Variants in CASK observed in about 807,000 individuals in gnomAD.
CASK encodes calcium/calmodulin dependent serine protein kinase.
CASK carries 4 observed loss-of-function variants against 82.9 expected under a neutral mutation model. That is an observed-to-expected ratio of 0.05 (90% CI 0.02 to 0.11). CASK has a LOEUF of 0.11. Among genes scored for constraint, CASK ranks in the 10% least tolerant of loss-of-function variants. The pLI is 1.00. For missense variants in CASK, 358 were observed against 720.9 expected (o/e 0.50, Z 5.76); for synonymous variants, 259 against 253.5 (o/e 1.02, Z -0.20).
At chrX:41,805,176 T>G (rs1286770360) in intron 2 of CASK, among the ~76,000 whole-genome samples, 1 of 112,267 alleles carries the variant, frequency 8.9e-6, no homozygotes, top group African/African-American at 3.2e-5. Flanking sequence ...TATCCTTTGT[T>G]TTAAAAAATA....
intron 5 of CASK, among the ~76,000 whole-genome samples, chrX:41,674,526 C>T (rs1340483506): frequency 6.3e-5 from 7 of 111,182 alleles, no homozygotes; most frequent in Non-Finnish European, 1.3e-4. Context: ...TGCCATACGC[C>T]AAAATTTTAA....
intron 5 of CASK, chrX:41,727,519 G>A (rs754545291): frequency 8.3e-7 from 1 of 1,210,233 alleles, no homozygotes; most frequent in Non-Finnish European, 1.1e-6. Flanking sequence ...AGTTGTACTG[G>A]GCATAATCAT....
chrX:41,653,318 T>C (rs1264710222), intron 8 of CASK, among the ~76,000 whole-genome samples: 1 of 111,930 alleles, frequency 8.9e-6, no homozygotes, highest in Non-Finnish European at 1.9e-5. Flanking sequence ...CTTCCATGGT[T>C]TGGAGCTGCA....
chrX:41,613,909 T>G (rs1442112571), intron 11 of CASK, among the ~76,000 whole-genome samples: 1 of 112,250 alleles, frequency 8.9e-6, no homozygotes, highest in African/African-American at 3.2e-5. Flanking sequence ...TTAATTATGT[T>G]AAAGATTTGG....
intron 1 of CASK, among the ~76,000 whole-genome samples, chrX:41,868,189 ATATGCAATTAC>A (rs1419539849): frequency 8.9e-6 from 1 of 111,797 alleles, no homozygotes; most frequent in East Asian, 2.8e-4. Flanking sequence ...AAATCAAGAC[ATATGCAATTAC>A]TATGCCCTGT....
At chrX:41,912,675 G>A (rs1601969353) in intron 1 of CASK, among the ~76,000 whole-genome samples, 2 of 106,715 alleles carry the variant, frequency 1.9e-5, no homozygotes, top group South Asian at 8.4e-4. Context: ...AGTGGTTCAT[G>A]CCTGTAATCG....
At chrX:41,881,650 C>T (rs2071955500) in intron 1 of CASK, among the ~76,000 whole-genome samples, 1 of 111,544 alleles carries the variant, frequency 9.0e-6, no homozygotes, top group Admixed American at 9.6e-5. Flanking sequence ...CATTTTAGTT[C>T]ACTACTTCAA....
intron 14 of CASK, among the ~76,000 whole-genome samples, chrX:41,579,445 ATTT>A (rs1277555912): frequency 8.9e-6 from 1 of 111,896 alleles, no homozygotes; most frequent in Admixed American, 9.5e-5. Context: ...TGACATCTCT[ATTT>A]GTCAGCTTGG....
intron 1 of CASK, among the ~76,000 whole-genome samples, chrX:41,915,235 A>G (rs1332214349): frequency 9.0e-6 from 1 of 111,042 alleles, no homozygotes; most frequent in East Asian, 2.8e-4. Context: ...CTCTCACCCA[A>G]ATTCCAGCTC....
intron 1 of CASK, among the ~76,000 whole-genome samples, chrX:41,888,866 C>T (rs894604500): frequency 9.3e-6 from 1 of 107,007 alleles, no homozygotes; most frequent in African/African-American, 3.4e-5. Flanking sequence ...CGCAAACACA[C>T]CCCACATTTT....
chrX:41,612,880 TG>T (rs1158128750), intron 11 of CASK, among the ~76,000 whole-genome samples: 1 of 45,461 alleles, frequency 2.2e-5, no homozygotes, highest in Non-Finnish European at 4.1e-5. Context: ...GGGAGGGAGG[TG>T]GGGGGGTCAG....
chrX:41,562,476 C>T (rs1256006883), intron 16 of CASK: 1 of 111,905 alleles, frequency 8.9e-6, no homozygotes, highest in Non-Finnish European at 1.9e-5. Context: ...GATTAAAGTG[C>T]TATGCCATAA....
intron 24 of CASK, 55 bp downstream of exon 24, chrX:41,534,650 AG>A: frequency 1.1e-6 from 1 of 904,905 alleles, no homozygotes; most frequent in Non-Finnish European, 1.6e-6. Context: ...CATAAATTAT[AG>A]AGTTAAAAAA....
chrX:41,625,942 CTTTTTTTTTTTTTTTT>C lies in CASK; in HGVS notation c.1015+646_1015+661del, dbSNP rs748063155. 2.0e-4 allele frequency among the ~76,000 whole-genome samples: 8 copies of C among 40,352 alleles called. 1 individual carries two copies. The highest frequency in any genetic ancestry group is 7.1e-4 in the African/African-American group (8 of 11,344). The allele number at this position is 40,352 out of a possible 115,157, so 35.0% of individuals were successfully genotyped here. A position where few individuals can be genotyped will look rare whatever the true frequency, so the allele number is the denominator to read the frequency against. ...TACAGGCGCAGGCCAGCACGCCTGG[CTTTTTTTTTTTTTTTT>C]TTTTTTTTTTGTATTTTTGTGTTTT... On this transcript the variant is annotated intron_variant, in intron 10 of 26. Coordinates refer to ENST00000378163, the MANE Select transcript of CASK (RefSeq NM_001367721.1).
chrX:41,579,652 A>C (rs768990622), intron 14 of CASK, among the ~76,000 whole-genome samples: 43 of 112,394 alleles, frequency 3.8e-4, no homozygotes, highest in African/African-American at 1.4e-3. Flanking sequence ...TGTGCTAACT[A>C]TAAATTTGGT....
chrX:41,783,893 T>A (rs2069531800), intron 3 of CASK, among the ~76,000 whole-genome samples: 1 of 111,872 alleles, frequency 8.9e-6, no homozygotes, highest in African/African-American at 3.3e-5. Context: ...GGGCTTCTGC[T>A]TTGGGGACTC....
rs188406231 is a variant in CASK, at chrX:41,626,411, A to T, written c.1015+193T>A. 6.9e-3 allele frequency among the ~76,000 whole-genome samples: 778 copies of T among 112,342 alleles called. 1 individual carries two copies. The highest frequency in any genetic ancestry group is 0.011 in the Non-Finnish European group (609 of 53,239). ...AATGAAGTGTTGGTTTTGGAGCCAC[A>T]GGAGAAAGCAACTTTGGTATTAAAA... On this transcript the variant is annotated intron_variant, in intron 10 of 26. Coordinates refer to ENST00000378163, the MANE Select transcript of CASK (RefSeq NM_001367721.1).
intron 1 of CASK, among the ~76,000 whole-genome samples, chrX:41,854,765 G>A (rs2071339457): frequency 8.9e-6 from 1 of 112,157 alleles, no homozygotes; most frequent in South Asian, 3.7e-4. Flanking sequence ...GAAAAGAAAT[G>A]GTAATAATAT....
intron 1 of CASK, among the ~76,000 whole-genome samples, chrX:41,865,862 G>C (rs758223255): frequency 8.9e-6 from 1 of 111,779 alleles, no homozygotes; most frequent in East Asian, 2.8e-4. Context: ...GGGATAAAAG[G>C]TACTTCCCAG....
Sources: allele counts gnomAD v4.1 joint callset (sites outside exome capture counted in the v4.1 genomes callset), GRCh38; gene constraint gnomAD v4.1.1; transcripts MANE v1.5; gene names NCBI Gene and HGNC (gene_info 2026-07-23, HGNC 2026-07-21).